The following ZMYND11 variants were observed in gnomAD, a reference collection of about 807,000 sequenced individuals.
ZMYND11 encodes zinc finger MYND domain-containing protein 11.
Under a neutral mutation model 84.9 loss-of-function variants are expected in ZMYND11, and 9 were observed. The ratio of observed to expected loss-of-function variants is 0.11; its 90% confidence interval spans 0.06 to 0.18. The LOEUF is 0.18. Ranked by LOEUF, ZMYND11 falls within the 10% of genes least tolerant of loss-of-function variation. ZMYND11 has a pLI of 1.00. For synonymous variants in ZMYND11, 250 were observed against 244.1 expected (o/e 1.02, Z -0.23); for missense variants, 409 against 761.0 (o/e 0.54, Z 5.44).
intron 1 of ZMYND11, among the ~76,000 whole-genome samples, chr10:172,437 A>G (rs1260895354): frequency 3.3e-5 from 5 of 152,314 alleles, no homozygotes; most frequent in African/African-American, 7.2e-5. Flanking sequence ...ACAAAAATCT[A>G]TCACTTTCCT....
rs55766394 is a variant in ZMYND11 at position 192,452 on chromosome 10, G to A, written c.116+12324G>A. On this transcript the variant is annotated intron_variant, in intron 2 of 14. Transcript: ENST00000381604. Reference sequence around the variant, plus strand: ...CCATATCTCTTTGTACTTTTTCCCCGTTTTGAATTATTTCCTTGCTATGGA... The same window carrying A: ...CCATATCTCTTTGTACTTTTTCCCCATTTTGAATTATTTCCTTGCTATGGA... Among the ~76,000 whole-genome samples the A allele has an allele frequency of 1.4e-3, 213 of 152,200 alleles. 1 individual carries two copies. The highest frequency in any genetic ancestry group is 4.9e-3 in the African/African-American group (202 of 41,518).
intron 1 of ZMYND11, among the ~76,000 whole-genome samples, chr10:161,643 T>C (rs1842960369): frequency 6.6e-6 from 1 of 152,232 alleles, no homozygotes; most frequent in African/African-American, 2.4e-5. Flanking sequence ...GATAACTTGC[T>C]GTTTCCTCCT....
intron 4 of ZMYND11, among the ~76,000 whole-genome samples, chr10:230,192 C>A (rs1948757555): frequency 6.6e-6 from 1 of 152,024 alleles, no homozygotes; most frequent in South Asian, 2.1e-4. Flanking sequence ...ACACAGTCTC[C>A]TACCGAGCGC....
intron 6 of ZMYND11, among the ~76,000 whole-genome samples, chr10:239,160 CAAATG>C (rs1950479929): frequency 6.6e-6 from 1 of 152,286 alleles, no homozygotes; most frequent in South Asian, 2.1e-4. Flanking sequence ...ACATTATTGT[CAAATG>C]AGATGTTCAA....
In ZMYND11 at chr10:252,030, G is replaced by C. The variant is rs527735395; in HGVS notation, c.1687-318G>C. ...AGGAGCTTGTGGGGAGCAGAGAAAT[G>C]CAAGTGGTAGCTGGAAAGGGATGTG... On this transcript the variant is annotated intron_variant, in intron 14 of 14. Transcript: ENST00000381604. The surrounding 1 kb of genome is among the most constrained non-coding windows in gnomAD (Gnocchi z 4.6). 3.3e-5 allele frequency among the ~76,000 whole-genome samples: 5 copies of C among 152,158 alleles called. No individual in the cohort carries two copies. The highest frequency in any genetic ancestry group is 9.7e-5 in the African/African-American group (4 of 41,426).
intron 1 of ZMYND11, among the ~76,000 whole-genome samples, chr10:142,953 CG>C (rs1837835092): frequency 6.6e-6 from 1 of 152,096 alleles, no homozygotes; most frequent in Non-Finnish European, 1.5e-5. Flanking sequence ...GCACTGGAGG[CG>C]GGGCACCTGC....
chr10:211,430 A>T (rs923795344), intron 3 of ZMYND11, among the ~76,000 whole-genome samples: 1 of 152,180 alleles, frequency 6.6e-6, no homozygotes, highest in Non-Finnish European at 1.5e-5. Flanking sequence ...TCTTTGTGGA[A>T]AAATTTTCCA....
At chr10:233,366 G>A (rs959002378) in intron 4 of ZMYND11, among the ~76,000 whole-genome samples, 2 of 152,148 alleles carry the variant, frequency 1.3e-5, no homozygotes, top group Non-Finnish European at 2.9e-5. Context: ...CCACTCCCAC[G>A]CCCTCTCCCC....
chr10:152,570 T>C (rs779185937), intron 1 of ZMYND11, among the ~76,000 whole-genome samples: 1 of 152,106 alleles, frequency 6.6e-6, no homozygotes, highest in Non-Finnish European at 1.5e-5. Context: ...AGCAAGTCCT[T>C]AGAGACCTAC....
At chr10:176,055 A>G (rs1846545984) in intron 1 of ZMYND11, among the ~76,000 whole-genome samples, 1 of 152,080 alleles carries the variant, frequency 6.6e-6, no homozygotes, top group South Asian at 2.1e-4. Flanking sequence ...TCACCAAGCA[A>G]CTTCTTGTTT....
chr10:228,212 A>G (rs893149817), intron 4 of ZMYND11, among the ~76,000 whole-genome samples: 1 of 152,220 alleles, frequency 6.6e-6, no homozygotes, highest in Admixed American at 6.5e-5. Flanking sequence ...AAAAAAGCTC[A>G]TATAATTTAC....
In ZMYND11 at chr10:185,926, A is replaced by G. The variant is rs571177749; in HGVS notation, c.116+5798A>G. Among the ~76,000 whole-genome samples the G allele has an allele frequency of 5.3e-5, 8 of 152,282 alleles. 1 individual carries two copies. Among genetic ancestry groups the G allele is most frequent in the African/African-American group, 1.9e-4 (8 of 41,566 alleles). ...CAAATAATTCCTTCTGACAGAGGTAAATCAAAGGAGTGTTCTCCATGTTGT... is the reference window on the plus strand; with the variant it reads ...CAAATAATTCCTTCTGACAGAGGTAGATCAAAGGAGTGTTCTCCATGTTGT... On this transcript the variant is annotated intron_variant, in intron 2 of 14. Coordinates refer to ENST00000381604, the MANE Select transcript of ZMYND11 (RefSeq NM_001370100.5).
rs1835820028 is a variant in ZMYND11 at position 135,715 on chromosome 10, G to A, written c.-20+156G>A. 6.8e-6 allele frequency among the ~76,000 whole-genome samples: 1 copy of A among 148,144 alleles called. No individual in the cohort carries two copies. Among genetic ancestry groups the A allele is most frequent in the Non-Finnish European group, 1.5e-5 (1 of 66,406 alleles). On this transcript the variant is annotated intron_variant, in intron 1 of 14. Coordinates refer to ENST00000381604, the MANE Select transcript of ZMYND11 (RefSeq NM_001370100.5). This position sits in a 1 kb window ranked among gnomAD's most constrained non-coding sequence, Gnocchi z 5.6. ...CTCGCCCGCTCGCGAAGAGCTCCGA[G>A]CTGCCGGGGAGCTTTGTGGATGGCG...
intron 2 of ZMYND11, among the ~76,000 whole-genome samples, chr10:181,351 G>A (rs1438175392): frequency 2.0e-5 from 3 of 152,194 alleles, no homozygotes; most frequent in African/African-American, 7.2e-5. Flanking sequence ...GGGCTCAGTG[G>A]CTCACGCCTG....
At chr10:236,081 A>C (rs146229956) in intron 4 of ZMYND11, among the ~76,000 whole-genome samples, 134 of 152,344 alleles carry the variant, frequency 8.8e-4, no homozygotes, top group African/African-American at 3.0e-3. Context: ...AATAGTGGCC[A>C]CACCCACTCA....
intron 3 of ZMYND11, among the ~76,000 whole-genome samples, chr10:216,020 G>C (rs868518522): frequency 1.9e-4 from 29 of 152,158 alleles, no homozygotes; most frequent in Middle Eastern, 3.4e-3. Context: ...TTTACAGAGG[G>C]GCAAGATAGA....
chr10:164,935 A>C (rs1843653895), intron 1 of ZMYND11, among the ~76,000 whole-genome samples: 2 of 152,006 alleles, frequency 1.3e-5, no homozygotes, highest in African/African-American at 2.4e-5. Flanking sequence ...GCTTGGGACT[A>C]TCTGATTTTT....
At chr10:235,911 A>G (rs1949879101) in intron 4 of ZMYND11, among the ~76,000 whole-genome samples, 1 of 152,234 alleles carries the variant, frequency 6.6e-6, no homozygotes. Flanking sequence ...CTTAAGCCCT[A>G]GCTAAAAGTT....
intron 2 of ZMYND11, among the ~76,000 whole-genome samples, chr10:201,443 T>C (rs150740636): frequency 6.6e-6 from 1 of 152,316 alleles, no homozygotes; most frequent in Non-Finnish European, 1.5e-5. Flanking sequence ...ATATATTCAT[T>C]TCAAATGAGA....
Sources: allele counts gnomAD v4.1 joint callset (sites outside exome capture counted in the v4.1 genomes callset), GRCh38; gene constraint gnomAD v4.1.1; non-coding constraint Gnocchi (gnomAD v3.1); transcripts MANE v1.5; gene names NCBI Gene and HGNC (gene_info 2026-07-23, HGNC 2026-07-21).